The following TBC1D9 variants were observed in gnomAD, a reference collection of about 807,000 sequenced individuals.
TBC1D9 encodes the protein TBC1 domain family member 9.
TBC1D9 carries 63 observed loss-of-function variants against 132.0 expected under a neutral mutation model. That is an observed-to-expected ratio of 0.48 (90% CI 0.39 to 0.59). The LOEUF (loss-of-function observed/expected upper bound fraction) is 0.59, where lower values mean the gene tolerates loss of function less well. TBC1D9 is among the 20% of genes least tolerant of loss of function. TBC1D9 has a pLI of 0.00. For missense variants in TBC1D9, 1,261 were observed against 1,592.7 expected (o/e 0.79, Z 3.54); for synonymous variants, 610 against 609.9 (o/e 1.00, Z 0.00).
intron 15 of TBC1D9, among the ~76,000 whole-genome samples, chr4:140,637,810 G>A (rs1311279375): frequency 6.6e-6 from 1 of 152,164 alleles, no homozygotes; most frequent in Non-Finnish European, 1.5e-5. Flanking sequence ...GCTGCACCAA[G>A]CGCACCACCA....
rs533624409 is a variant in TBC1D9 at position 140,706,139 on chromosome 4, C to T, written c.131-4525G>A. Among the ~76,000 whole-genome samples, 9 of 152,294 alleles carry T rather than the reference C, an allele frequency of 5.9e-5. No homozygotes were observed. The South Asian group carries it at 6.2e-4, about 11-fold the overall frequency. ...AAACCCCCGTCAGCCCTCTGCAGGC[C>T]GGGCTATGTCAGGAGTGTGCTGCCA... On this transcript the variant is annotated intron_variant, in intron 1 of 20. Coordinates refer to ENST00000442267, the MANE Select transcript of TBC1D9 (RefSeq NM_015130.3). The surrounding 1 kb of genome is among the most constrained non-coding windows in gnomAD (Gnocchi z 4.0).
At chr4:140,649,268 G>C (rs1174952548) in intron 13 of TBC1D9, among the ~76,000 whole-genome samples, 1 of 152,200 alleles carries the variant, frequency 6.6e-6, no homozygotes, top group Admixed American at 6.5e-5. Context: ...AGAAGGCATT[G>C]GTTCTAATAT....
At chr4:140,679,259 A>G in intron 4 of TBC1D9, 56 bp from the exon 5 acceptor site, 1 of 1,564,780 alleles carries the variant, frequency 6.4e-7, no homozygotes, top group Non-Finnish European at 8.7e-7. Context: ...CGCTTTCAAG[A>G]TATTGCAGTC....
intron 1 of TBC1D9, among the ~76,000 whole-genome samples, chr4:140,723,331 CTTCCCAGATTTT>C (rs922161250): frequency 6.6e-6 from 1 of 152,132 alleles, no homozygotes; most frequent in African/African-American, 2.4e-5. Flanking sequence ...CAGGTCTTTA[CTTCCCAGATTTT>C]TTTTGTTCTT....
At chr4:140,676,791 A>C in intron 6 of TBC1D9, 103 bp downstream of exon 6, 1 of 1,452,026 alleles carries the variant, frequency 6.9e-7, no homozygotes, top group Non-Finnish European at 9.2e-7. Flanking sequence ...ATGAACATTC[A>C]CCTGTGTTCA....
chr4:140,710,971 T>G (rs999462978), intron 1 of TBC1D9, among the ~76,000 whole-genome samples: 4 of 152,214 alleles, frequency 2.6e-5, no homozygotes, highest in Non-Finnish European at 5.9e-5. Flanking sequence ...AAGCTGGCCT[T>G]GAAACCCCAG....
intron 13 of TBC1D9, chr4:140,644,671 T>A (rs905155529): frequency 1.4e-5 from 6 of 421,106 alleles, no homozygotes; most frequent in Admixed American, 6.2e-5. Context: ...GGCCGCCCGC[T>A]GCTGCAGGTA....
intron 2 of TBC1D9, among the ~76,000 whole-genome samples, chr4:140,687,377 T>TAC (rs1737803644): frequency 1.4e-5 from 1 of 69,996 alleles, no homozygotes; most frequent in Non-Finnish European, 2.9e-5. Context: ...TATATATATA[T>TAC]ATATATATAT....
At chr4:140,632,415 C>T (rs1736812114) in intron 16 of TBC1D9, among the ~76,000 whole-genome samples, 1 of 152,108 alleles carries the variant, frequency 6.6e-6, no homozygotes, top group African/African-American at 2.4e-5. Flanking sequence ...TTATATATCA[C>T]TTGTGTAACT....
rs1445706355 is a variant in TBC1D9 at position 140,668,930 on chromosome 4, C to T, written c.1575G>A (p.Trp525Ter). The T allele has an allele frequency of 1.9e-6, 3 of 1,613,850 alleles. No individual in the cohort carries two copies. Among genetic ancestry groups the T allele is most frequent in the Non-Finnish European group, 2.5e-6 (3 of 1,179,824 alleles). ...CAGCGGCCGTACCTGACAGCAGCAGCCAGAGCTCCCCACGCATGCTCTCCG... is the reference window on the plus strand; with the variant it reads ...CAGCGGCCGTACCTGACAGCAGCAGTCAGAGCTCCCCACGCATGCTCTCCG... ...GIPESMRGEL[W>*]LLLSGAINEK... The change falls in exon 9 of 21, where the codon TGG becomes TGA. Residue 525 changes from tryptophan (W) to a stop codon, truncating the protein, a stop_gained. Transcript: ENST00000442267. LOFTEE classifies it high-confidence loss of function.
At chr4:140,666,734 T>TA (rs35117175) in intron 9 of TBC1D9, among the ~76,000 whole-genome samples, 14,531 of 145,518 alleles carry the variant, frequency 0.1, 1,328 homozygotes, top group African/African-American at 0.25. Context: ...GTGAATATAC[T>TA]AAAAAAAAAA....
chr4:140,724,654 A>C (rs1181821115), intron 1 of TBC1D9, among the ~76,000 whole-genome samples: 1 of 151,828 alleles, frequency 6.6e-6, no homozygotes, highest in African/African-American at 2.4e-5. Context: ...AAAAAAAAAA[A>C]CTTGCAACTC....
chr4:140,643,298 C>A, intron 13 of TBC1D9: 2 of 1,326,748 alleles, frequency 1.5e-6, no homozygotes, highest in Non-Finnish European at 2.1e-6. Context: ...GAAAGCTCTG[C>A]TCCAAGACAA....
At chr4:140,640,900 A>G (rs1214407864) in intron 13 of TBC1D9, among the ~76,000 whole-genome samples, 2 of 139,980 alleles carry the variant, frequency 1.4e-5, no homozygotes, top group African/African-American at 3.2e-5. Context: ...CTATATATAT[A>G]TAGATTTATT....
intron 2 of TBC1D9, among the ~76,000 whole-genome samples, chr4:140,692,276 C>G (rs1204020639): frequency 1.3e-5 from 2 of 152,186 alleles, no homozygotes; most frequent in Admixed American, 6.5e-5. Context: ...TTTTCAGATT[C>G]AGAACAGGCT....
chr4:140,710,920 G>A (rs1254767788), intron 1 of TBC1D9, among the ~76,000 whole-genome samples: 1 of 152,142 alleles, frequency 6.6e-6, no homozygotes. Flanking sequence ...CAAGCCCAGC[G>A]CTTTTCTAAG....
At chr4:140,691,066 T>C (rs980264769) in intron 2 of TBC1D9, among the ~76,000 whole-genome samples, 1 of 152,140 alleles carries the variant, frequency 6.6e-6, no homozygotes, top group Non-Finnish European at 1.5e-5. Context: ...AAAGAAGCAG[T>C]GAGGACAGGT....
chr4:140,672,917 T>C (rs552677207), intron 6 of TBC1D9, among the ~76,000 whole-genome samples: 69 of 152,308 alleles, frequency 4.5e-4, no homozygotes, highest in Non-Finnish European at 6.6e-4. Flanking sequence ...CCCAGCACTT[T>C]GGGAGGCCTA....
At chr4:140,711,038 C>A (rs1738235344) in intron 1 of TBC1D9, among the ~76,000 whole-genome samples, 2 of 152,278 alleles carry the variant, frequency 1.3e-5, no homozygotes, top group Middle Eastern at 6.8e-3. Flanking sequence ...AGACTTTGTG[C>A]AGGACTCAAA....
Sources: gnomAD v4.1 joint callset for allele counts (sites outside exome capture counted in the v4.1 genomes callset) on GRCh38, gnomAD v4.1.1 for gene constraint, Gnocchi (gnomAD v3.1) non-coding constraint, MANE v1.5 for transcripts, NCBI Gene and HGNC (gene_info 2026-07-23, HGNC 2026-07-21) for gene names.